CDKL3: variants seen among roughly 807,000 people sequenced by gnomAD.
CDKL3 encodes cyclin dependent kinase like 3.
CDKL3 carries 65 observed loss-of-function variants against 69.3 expected under a neutral mutation model. The ratio of observed to expected loss-of-function variants is 0.94; its 90% CI spans 0.77 to 1.15. The LOEUF is 1.15. Ranked by LOEUF, CDKL3 falls within the 50% of genes most tolerant of loss-of-function variation. The pLI is 0.00. For synonymous variants in CDKL3, 202 were observed against 221.6 expected, an observed-to-expected ratio of 0.91 and a Z score of 0.79; for missense variants, 652 against 689.2, an observed-to-expected ratio of 0.95 and a Z score of 0.61.
At chr5:134,322,386 G>C (rs938644375) in intron 4 of CDKL3, among the ~76,000 whole-genome samples, 2 of 152,158 alleles carry the variant, frequency 1.3e-5, no homozygotes, top group African/African-American at 4.8e-5. Flanking sequence ...TGAGGCTATA[G>C]GAAAGGAATA....
downstream of CDKL3, among the ~76,000 whole-genome samples, chr5:134,284,594 T>C (rs1342839885): frequency 6.6e-6 from 1 of 152,136 alleles, no homozygotes; most frequent in African/African-American, 2.4e-5. Flanking sequence ...AATTTCCTAA[T>C]CCTAGCAAGC....
At chr5:134,371,604 C>A (rs748632151), upstream of CDKL3, 1 of 1,612,922 alleles carries the variant, frequency 6.2e-7, no homozygotes, top group Non-Finnish European at 8.5e-7. Context: ...GCATGTCGAC[C>A]CCGGCCCGGA....
chr5:134,323,432 T>C (rs764241139), intron 4 of CDKL3, among the ~76,000 whole-genome samples: 17 of 152,082 alleles, frequency 1.1e-4, no homozygotes, highest in Non-Finnish European at 2.5e-4. Context: ...CCAACACAAT[T>C]TGAAAAAGAA....
At chr5:134,313,162 C>G (rs1770036342) in intron 6 of CDKL3, among the ~76,000 whole-genome samples, 1 of 152,166 alleles carries the variant, frequency 6.6e-6, no homozygotes, top group Non-Finnish European at 1.5e-5. Flanking sequence ...TCAAGCGATT[C>G]TCCCGCCTCA....
chr5:134,284,531 G>A (rs1764770468), downstream of CDKL3, among the ~76,000 whole-genome samples: 2 of 152,330 alleles, frequency 1.3e-5, no homozygotes, highest in South Asian at 4.1e-4. Context: ...CATCTTAACA[G>A]GAAAGAGGGT....
chr5:134,357,212 A>T (rs1581217332), intron 3 of CDKL3, among the ~76,000 whole-genome samples: 1 of 151,762 alleles, frequency 6.6e-6, no homozygotes, highest in South Asian at 2.1e-4. Context: ...TTGGGAGGCT[A>T]AGGTGGGCGG....
At chr5:134,364,902 G>A (rs1362362193) in intron 2 of CDKL3, among the ~76,000 whole-genome samples, 1 of 151,710 alleles carries the variant, frequency 6.6e-6, no homozygotes, top group African/African-American at 2.4e-5. Flanking sequence ...CACCTTCTGG[G>A]TTTGAGCGAT....
At chr5:134,302,290 C>A in intron 12 of CDKL3, 1 of 457,560 alleles carries the variant, frequency 2.2e-6, no homozygotes, top group Non-Finnish European at 4.3e-6. Flanking sequence ...ATATTTATAC[C>A]ATTATTCATT....
chr5:134,291,108 GA>G (rs1254977123), intron 8 of CDKL3, among the ~76,000 whole-genome samples: 1 of 152,182 alleles, frequency 6.6e-6, no homozygotes, highest in Non-Finnish European at 1.5e-5. Context: ...TGAGCAATTA[GA>G]AGAATGGAGT....
At chr5:134,361,885 CAA>C (rs1756115278) in intron 2 of CDKL3, among the ~76,000 whole-genome samples, 1 of 152,158 alleles carries the variant, frequency 6.6e-6, no homozygotes, top group African/African-American at 2.4e-5. Flanking sequence ...GCCGGGGTGA[CAA>C]GAGTGAAACT....
intron 7 of CDKL3, among the ~76,000 whole-genome samples, chr5:134,309,189 G>A (rs929526833): frequency 3.3e-5 from 5 of 152,072 alleles, no homozygotes; most frequent in Non-Finnish European, 5.9e-5. Context: ...GGGTTCAAGC[G>A]ATTCTGCCTC....
chr5:134,327,553 G>A (rs550534228), intron 4 of CDKL3, among the ~76,000 whole-genome samples: 6 of 152,290 alleles, frequency 3.9e-5, no homozygotes, highest in African/African-American at 1.4e-4. Flanking sequence ...TACAGAATGT[G>A]GTGAAAGACA....
intron 3 of CDKL3, among the ~76,000 whole-genome samples, chr5:134,359,407 G>C: frequency 6.6e-6 from 1 of 152,248 alleles, no homozygotes; most frequent in Middle Eastern, 3.4e-3. Flanking sequence ...CCTCTTCCTT[G>C]ATTTTTCATA....
chr5:134,299,751 C>A, intron 12 of CDKL3: 7 of 1,523,972 alleles, frequency 4.6e-6, no homozygotes, highest in Admixed American at 2.0e-5. Flanking sequence ...TTCCTGTATT[C>A]TAAAAAGTAA....
chr5:134,349,517 A>G (rs1752724849), intron 4 of CDKL3, among the ~76,000 whole-genome samples: 1 of 152,164 alleles, frequency 6.6e-6, no homozygotes, highest in African/African-American at 2.4e-5. Flanking sequence ...AGAGGGTACC[A>G]TTTTTCCAGG....
chr5:134,301,234 G>C (rs1447340389), intron 12 of CDKL3, among the ~76,000 whole-genome samples: 2 of 152,158 alleles, frequency 1.3e-5, no homozygotes, highest in East Asian at 1.9e-4. Context: ...CTGACTTCAG[G>C]TGATCCACCC....
rs548116480 is a variant in CDKL3, at chr5:134,302,634, T to C, written c.1675A>G (p.Ile559Val). The change falls in exon 12 of 13, where the codon ATA (isoleucine) becomes GTA (valine). Residue 559 changes from isoleucine (I) to valine (V), a missense_variant. Coordinates refer to ENST00000265334, the MANE Select transcript of CDKL3 (RefSeq NM_001113575.2). ...RESKKTESSKIPTLLNVDQNQ... is the reference protein window; with the variant it reads ...RESKKTESSKVPTLLNVDQNQ... ...TGATCCACGTTAAGTAAAGTTGGTA[T>C]CTTAGATGACTCTGTTTTCTTTGAC... 1 of 1,604,734 alleles carries C rather than the reference T, an allele frequency of 6.2e-7. No individual in the cohort carries two copies.
downstream of CDKL3, among the ~76,000 whole-genome samples, chr5:134,296,226 T>A (rs1765342283): frequency 1.3e-5 from 2 of 152,004 alleles, no homozygotes; most frequent in South Asian, 2.1e-4. Flanking sequence ...AGAGAATATG[T>A]CATCCAAAAG....
intron 6 of CDKL3, among the ~76,000 whole-genome samples, chr5:134,317,649 T>G (rs1452888183): frequency 6.6e-6 from 1 of 151,800 alleles, no homozygotes; most frequent in Admixed American, 6.6e-5. Flanking sequence ...AAACAGGAAC[T>G]GGCACTGTGG....
Sources: allele counts gnomAD v4.1 joint callset (sites outside exome capture counted in the v4.1 genomes callset), GRCh38; gene constraint gnomAD v4.1.1; transcripts MANE v1.5; gene names NCBI Gene and HGNC (gene_info 2026-07-23, HGNC 2026-07-21).